EBF2: variants seen among roughly 807,000 people sequenced by gnomAD.
EBF2 encodes transcription factor COE2.
In EBF2, 21 loss-of-function variants were observed where a neutral mutation model predicts 72.8. The observed-to-expected ratio is 0.29, with a 90% CI of 0.20 to 0.42. The LOEUF (loss-of-function observed/expected upper bound fraction) is 0.42, where lower values mean the gene tolerates loss of function less well. EBF2 is among the 10% of genes least tolerant of loss of function. EBF2 has a pLI of 1.00. For missense variants in EBF2, 637 were observed against 731.2 expected (o/e 0.87, Z 1.49); for synonymous variants, 299 against 274.2 (o/e 1.09, Z -0.89).
chr8:25,990,074 C>T lies in EBF2; in HGVS notation c.551+43011G>A, dbSNP rs147856270. Among the ~76,000 whole-genome samples, 114 of 152,212 alleles carry T rather than the reference C, an allele frequency of 7.5e-4. No individual in the cohort carries two copies. The East Asian group carries it at 0.015, about 20-fold the overall frequency. On this transcript the variant is annotated intron_variant, in intron 6 of 15. Transcript: ENST00000520164. ...GGAAGCAAGATCTAATTTGCCTGCA[C>T]GCAGTAGGTATACAAAGACATCTTA...
chr8:25,889,602 C>G lies in EBF2; in HGVS notation c.751+150G>C, dbSNP rs550149892. The G allele has an allele frequency of 1.9e-4, 112 of 602,044 alleles. No individual in the cohort carries two copies. In the African/African-American group the frequency reaches 1.9e-3, roughly 10 times the overall value. The allele number at this position is 602,044 out of a possible 1,614,324, so 37.3% of individuals were successfully genotyped here. The stretch of plus-strand genomic sequence containing the variant: ...GCCTTACAGTGGAGCAGGCTGGAGT[C>G]TGTGTTTACAACTTCGTTTAAAAAA... On this transcript the variant is annotated intron_variant, in intron 8 of 15. Transcript: ENST00000520164.
At chr8:26,004,979 A>T (rs1563205358) in intron 6 of EBF2, among the ~76,000 whole-genome samples, 1 of 151,268 alleles carries the variant, frequency 6.6e-6, no homozygotes, top group Admixed American at 6.6e-5. Flanking sequence ...CATATACAAC[A>T]GTCGCATAGT....
chr8:26,012,346 G>C (rs1805038792), intron 6 of EBF2, among the ~76,000 whole-genome samples: 1 of 152,098 alleles, frequency 6.6e-6, no homozygotes, highest in South Asian at 2.1e-4. Flanking sequence ...TATGAAAATA[G>C]GGATTTTTAG....
At chr8:25,871,248 G>A (rs533668156) in intron 10 of EBF2, among the ~76,000 whole-genome samples, 1 of 152,174 alleles carries the variant, frequency 6.6e-6, no homozygotes, top group South Asian at 2.1e-4. Flanking sequence ...CTAATGAGGT[G>A]CCCAAGACCA....
rs1801761955 is a variant in EBF2 at position 25,842,713 on chromosome 8, T to C, written c.*1896A>G. 1 of 151,938 alleles carries C rather than the reference T, an allele frequency of 6.6e-6. No homozygotes were observed. The highest frequency in any genetic ancestry group is 2.4e-5 in the African/African-American group (1 of 41,232). 9.4% of individuals were successfully genotyped at this position (151,938 alleles called of 1,614,324 possible). ...CCTTGGATTCTCATGTGCATAGAAATAATATAAGTCATACTGGGTAATTCC... is the reference window on the plus strand; with the variant it reads ...CCTTGGATTCTCATGTGCATAGAAACAATATAAGTCATACTGGGTAATTCC... On this transcript the variant is annotated 3_prime_UTR_variant, in exon 16 of 16. Transcript: ENST00000520164.
At chr8:26,041,027 TC>T (rs778132883) in intron 2 of EBF2, 25 bp from the exon 3 acceptor site, 9 of 1,613,212 alleles carry the variant, frequency 5.6e-6, no homozygotes, top group Non-Finnish European at 7.6e-6. Flanking sequence ...AGCGTTCGAT[TC>T]CCTTGCCTTT....
chr8:25,899,063 G>A (rs1484796802), intron 7 of EBF2, among the ~76,000 whole-genome samples: 2 of 151,938 alleles, frequency 1.3e-5, no homozygotes, highest in Non-Finnish European at 2.9e-5. Flanking sequence ...TCATTTCCTG[G>A]GTGAGTCAGT....
rs2321723 is a variant in EBF2, at chr8:25,928,607, C to T, written c.552-20052G>A. The stretch of plus-strand genomic sequence containing the variant: ...ATATTTATATTCTACCAATACGTGC[C>T]TGTTACAAGAGAAGGAAATATGAGT... On this transcript the variant is annotated intron_variant, in intron 6 of 15. Coordinates refer to ENST00000520164, the MANE Select transcript of EBF2 (RefSeq NM_022659.4). 1.2e-3 allele frequency among the ~76,000 whole-genome samples: 181 copies of T among 152,102 alleles called. 1 individual carries two copies. The highest frequency in any genetic ancestry group is 2.4e-3 in the Admixed American group (36 of 15,274).
Position 25,989,084 on chromosome 8 carries a change from G to A in EBF2, c.551+44001C>T, listed in dbSNP as rs867756483. 7.2e-5 allele frequency among the ~76,000 whole-genome samples: 11 copies of A among 152,186 alleles called. No individual in the cohort carries two copies. In the South Asian group the frequency reaches 8.3e-4, roughly 11 times the overall value. On this transcript the variant is annotated intron_variant, in intron 6 of 15. Coordinates refer to ENST00000520164, the MANE Select transcript of EBF2 (RefSeq NM_022659.4). ...CTGTCACTTACTGACAAAATATTTG[G>A]CTTTGCACAAATGCCTTAGCCTCTT...
rs1801766768 is a variant in EBF2, at chr8:25,843,103, T to C, written c.*1506A>G. ...GGCAAGGTTCTTCCCCTCTAAGAGCTAGTCACAAAACGATGAAGAGCCCAT... is the reference window on the plus strand; with the variant it reads ...GGCAAGGTTCTTCCCCTCTAAGAGCCAGTCACAAAACGATGAAGAGCCCAT... On this transcript the variant is annotated 3_prime_UTR_variant, in exon 16 of 16. Transcript: ENST00000520164. 6.6e-6 allele frequency: 1 copy of C among 152,234 alleles called. No homozygotes were observed. Among genetic ancestry groups the C allele is most frequent in the Admixed American group, 6.5e-5 (1 of 15,276 alleles). The allele number at this position is 152,234 out of a possible 1,614,324, so 9.4% of individuals were successfully genotyped here. A position where few individuals can be genotyped will look rare whatever the true frequency, so the allele number is the denominator to read the frequency against.
At chr8:25,988,242 C>T (rs1804492391) in intron 6 of EBF2, among the ~76,000 whole-genome samples, 1 of 152,196 alleles carries the variant, frequency 6.6e-6, no homozygotes, top group Admixed American at 6.5e-5. Context: ...CAGAGCCACA[C>T]TGAGCCAGAG....
At chr8:25,966,012 T>C (rs538657931) in intron 6 of EBF2, among the ~76,000 whole-genome samples, 6 of 152,202 alleles carry the variant, frequency 3.9e-5, no homozygotes, top group African/African-American at 1.4e-4. Flanking sequence ...ATTTGGGGCA[T>C]AGGTTGCAAC....
At chr8:25,849,440 C>G (rs1234809760) in intron 15 of EBF2, among the ~76,000 whole-genome samples, 1 of 152,202 alleles carries the variant, frequency 6.6e-6, no homozygotes, top group African/African-American at 2.4e-5. Context: ...ATCCCCAGGA[C>G]AATGCAGCCC....
At chr8:25,848,600 G>A (rs899652840) in intron 15 of EBF2, among the ~76,000 whole-genome samples, 1 of 152,148 alleles carries the variant, frequency 6.6e-6, no homozygotes, top group African/African-American at 2.4e-5. Flanking sequence ...CTCAGAGCCA[G>A]GTAAAATAGA....
At chr8:25,888,065 T>C in intron 8 of EBF2, 93 bp from the exon 9 acceptor site, 1 of 1,420,534 alleles carries the variant, frequency 7.0e-7, no homozygotes. Flanking sequence ...AGAATTGTCT[T>C]GGGCCACGTA....
intron 6 of EBF2, among the ~76,000 whole-genome samples, chr8:26,021,632 G>T (rs928674541): frequency 1.5e-4 from 23 of 152,110 alleles, no homozygotes; most frequent in African/African-American, 5.3e-4. Context: ...TATTGCATGG[G>T]ACAAACTTAT....
intron 10 of EBF2, among the ~76,000 whole-genome samples, chr8:25,866,230 G>A (rs1802312304): frequency 6.6e-6 from 1 of 151,360 alleles, no homozygotes; most frequent in Admixed American, 6.6e-5. Flanking sequence ...CCCAAACAAT[G>A]CCCCAAAATG....
intron 5 of EBF2, among the ~76,000 whole-genome samples, chr8:26,036,745 T>G (rs920306400): frequency 6.6e-6 from 1 of 152,150 alleles, no homozygotes; most frequent in Non-Finnish European, 1.5e-5. Flanking sequence ...ATAAACTCAA[T>G]TCTGCCTTCC....
intron 7 of EBF2, among the ~76,000 whole-genome samples, chr8:25,902,961 T>A (rs1802979091): frequency 6.6e-6 from 1 of 152,208 alleles, no homozygotes; most frequent in Admixed American, 6.5e-5. Context: ...TGGCAGGTTT[T>A]CCTGGTAGGC....
Sources: allele counts gnomAD v4.1 joint callset (sites outside exome capture counted in the v4.1 genomes callset), GRCh38; gene constraint gnomAD v4.1.1; transcripts MANE v1.5; gene names NCBI Gene and HGNC (gene_info 2026-07-23, HGNC 2026-07-21).